The following IDE variants were observed in gnomAD, a reference collection of about 807,000 sequenced individuals.
IDE encodes insulin degrading enzyme, also known as insulin-degrading enzyme.
IDE carries 58 observed loss-of-function variants against 133.2 expected under a neutral mutation model. That is an observed-to-expected ratio of 0.44 (90% CI 0.35 to 0.54). The LOEUF (loss-of-function observed/expected upper bound fraction) is 0.54, where lower values mean the gene tolerates loss of function less well. IDE is among the 20% of genes least tolerant of loss of function. The probability of loss-of-function intolerance (pLI) is 0.00; values close to 1 mark genes in which losing one functional copy is unlikely to be tolerated. For missense variants in IDE, 981 were observed against 1,234.0 expected, an observed-to-expected ratio of 0.79 and a Z score of 3.07; for synonymous variants, 396 against 421.3, an observed-to-expected ratio of 0.94 and a Z score of 0.73.
chr10:92,510,745 G>C (rs549524232), intron 5 of IDE, among the ~76,000 whole-genome samples: 1 of 145,834 alleles, frequency 6.9e-6, no homozygotes, highest in Non-Finnish European at 1.5e-5. Context: ...ATGAAATATA[G>C]CACATACATC....
At chr10:92,457,856 C>T (rs1845114102) in intron 22 of IDE, among the ~76,000 whole-genome samples, 1 of 152,202 alleles carries the variant, frequency 6.6e-6, no homozygotes, top group African/African-American at 2.4e-5. Context: ...TCCCTGCCAG[C>T]AGGCAAAACA....
chr10:92,468,685 C>T (rs1845812882), intron 19 of IDE, among the ~76,000 whole-genome samples, 194 bp downstream of exon 19: 1 of 152,186 alleles, frequency 6.6e-6, no homozygotes, highest in Admixed American at 6.5e-5. Context: ...TGCCTATCTC[C>T]AATTTTACTT....
intron 11 of IDE, among the ~76,000 whole-genome samples, chr10:92,493,832 T>C (rs138690563): frequency 2.6e-5 from 4 of 152,070 alleles, no homozygotes; most frequent in Admixed American, 1.3e-4. Context: ...TGAAAGGGTA[T>C]GTATGAGGTA....
Position 92,531,752 on chromosome 10 carries a change from C to T in IDE, c.657G>A (p.Gly219=), listed in dbSNP as rs773086912. The T allele has an allele frequency of 3.2e-6, 5 of 1,575,982 alleles. No homozygotes were observed. The highest frequency in any genetic ancestry group is 1.2e-5 in the South Asian group (1 of 83,740). Residue 219 remains glycine, a synonymous_variant, in exon 4 of 25, where the codon GGG becomes GGA. Transcript: ENST00000265986. ...GNPKHPFSKF[G]TGNKYTLETR... is the part of the protein sequence containing the mutation. ...GGAAAGCAGCTGTTGACAAACCTGT[C>T]CCAAATTTACTGAAGGGGTGTTTAG...
At chr10:92,573,794 G>A in intron 1 of IDE, 128 bp downstream of exon 1, 1 of 673,088 alleles carries the variant, frequency 1.5e-6, no homozygotes, top group South Asian at 2.5e-5. Context: ...CGGGCCCCAG[G>A]CCGGCGGGAC....
intron 4 of IDE, among the ~76,000 whole-genome samples, chr10:92,528,774 T>G (rs889367373): frequency 2.0e-5 from 3 of 152,152 alleles, no homozygotes; most frequent in East Asian, 3.8e-4. Flanking sequence ...ATTATTATTT[T>G]AAATCAAAAT....
intron 21 of IDE, 24 bp downstream of exon 21, chr10:92,463,707 G>A: frequency 6.2e-7 from 1 of 1,601,418 alleles, no homozygotes; most frequent in East Asian, 2.2e-5. Flanking sequence ...TGCCATAAAT[G>A]TTGGAGCCCT....
chr10:92,543,121 G>A (rs980428312), intron 1 of IDE, among the ~76,000 whole-genome samples: 1 of 152,176 alleles, frequency 6.6e-6, no homozygotes, highest in Non-Finnish European at 1.5e-5. Flanking sequence ...GAGTGATCAC[G>A]TTAATAGTGA....
intron 1 of IDE, among the ~76,000 whole-genome samples, chr10:92,561,926 A>C (rs1843304564): frequency 6.6e-6 from 1 of 152,166 alleles, no homozygotes; most frequent in South Asian, 2.1e-4. Context: ...ATGTCTGAAA[A>C]CTACTAAGAC....
chr10:92,560,517 T>C lies in IDE; in HGVS notation c.98+13405A>G, dbSNP rs1843223324. Reference sequence around the variant, plus strand: ...AGAGAAGTGAGCTGGGCATGGTGGCTCACACCTGTAATCCCAGCACTTCGG... The same window carrying C: ...AGAGAAGTGAGCTGGGCATGGTGGCCCACACCTGTAATCCCAGCACTTCGG... On this transcript the variant is annotated intron_variant, in intron 1 of 24. Coordinates refer to ENST00000265986, the MANE Select transcript of IDE (RefSeq NM_004969.4). Among the ~76,000 whole-genome samples the C allele has an allele frequency of 3.3e-5, 5 of 152,278 alleles. No homozygotes were observed. In the South Asian group the frequency reaches 1.0e-3, roughly 32 times the overall value.
chr10:92,547,392 A>G (rs572702733), intron 1 of IDE, among the ~76,000 whole-genome samples: 1 of 152,108 alleles, frequency 6.6e-6, no homozygotes, highest in East Asian at 1.9e-4. Context: ...CCTGGTTTCT[A>G]AAGATCAATT....
At chr10:92,476,898 C>G (rs868678648) in intron 15 of IDE, among the ~76,000 whole-genome samples, 12 of 152,254 alleles carry the variant, frequency 7.9e-5, no homozygotes, top group Admixed American at 1.3e-4. Flanking sequence ...ACTTGGAAAG[C>G]TGAGATGGAA....
At chr10:92,473,056 C>A (rs1440274068) in intron 17 of IDE, among the ~76,000 whole-genome samples, 1 of 151,656 alleles carries the variant, frequency 6.6e-6, no homozygotes, top group African/African-American at 2.4e-5. Context: ...CATTCTCCTG[C>A]CTCAGCCTCC....
At chr10:92,543,204 T>G (rs1407692596) in intron 1 of IDE, among the ~76,000 whole-genome samples, 3 of 152,160 alleles carry the variant, frequency 2.0e-5, no homozygotes, top group African/African-American at 7.2e-5. Flanking sequence ...AGTCAAGGCC[T>G]ATAGCACTCA....
chr10:92,547,200 CGCAGCTGGGACTACAG>C (rs1842567687), intron 1 of IDE, among the ~76,000 whole-genome samples: 1 of 151,732 alleles, frequency 6.6e-6, no homozygotes, highest in African/African-American at 2.4e-5. Context: ...CAGCCTCCTG[CGCAGCTGGGACTACAG>C]GCATACGCCA....
intron 2 of IDE, 99 bp from the exon 3 acceptor site, chr10:92,534,884 A>G (rs1841911865): frequency 3.8e-6 from 3 of 783,538 alleles, no homozygotes; most frequent in African/African-American, 1.7e-5. Context: ...AACTCCAACT[A>G]TATAATCAGA....
chr10:92,470,196 GA>G (rs1282501489), intron 18 of IDE, 57 bp downstream of exon 18: 20 of 1,148,982 alleles, frequency 1.7e-5, no homozygotes, highest in Non-Finnish European at 2.4e-5. Flanking sequence ...AGAAAGACTA[GA>G]GGGAAAAAAT....
intron 19 of IDE, among the ~76,000 whole-genome samples, chr10:92,467,887 A>C (rs1187460086): frequency 6.6e-6 from 1 of 152,222 alleles, no homozygotes; most frequent in East Asian, 1.9e-4. Context: ...CTGAAGTAAT[A>C]ATATGTTCCA....
chr10:92,455,697 G>C (rs1415462408), intron 23 of IDE, 54 bp from the exon 24 acceptor site: 55 of 812,750 alleles, frequency 6.8e-5, no homozygotes, highest in East Asian at 8.6e-5. Flanking sequence ...TATCACAAAA[G>C]AACAAAAAAA....
Sources: allele counts gnomAD v4.1 joint callset (sites outside exome capture counted in the v4.1 genomes callset), GRCh38; gene constraint gnomAD v4.1.1; transcripts MANE v1.5; gene names NCBI Gene and HGNC (gene_info 2026-07-23, HGNC 2026-07-21).